The following RHOJ variants were observed in gnomAD, a reference collection of about 807,000 sequenced individuals.
RHOJ encodes ras homolog family member J.
In RHOJ, 11 loss-of-function variants were observed where a neutral mutation model predicts 23.4. The observed-to-expected ratio is 0.47, with a 90% CI of 0.30 to 0.78. RHOJ has a LOEUF of 0.78. RHOJ is among the 30% of genes least tolerant of loss of function. The probability of loss-of-function intolerance (pLI) is 0.08; values close to 1 mark genes in which losing one functional copy is unlikely to be tolerated. For missense variants in RHOJ, 254 were observed against 273.4 expected (o/e 0.93, Z 0.50); for synonymous variants, 102 against 102.7 (o/e 0.99, Z 0.04).
chr14:63,285,328 T>A (rs918602590), intron 4 of RHOJ, among the ~76,000 whole-genome samples: 2 of 152,160 alleles, frequency 1.3e-5, no homozygotes, highest in Non-Finnish European at 2.9e-5. Flanking sequence ...CTCTTCTGCC[T>A]CCCTCCTATA....
rs1895421197 is a variant in RHOJ, at chr14:63,269,160, G to A, written c.229G>A (p.Ala77Thr). 5 of 1,611,292 alleles carry A rather than the reference G, an allele frequency of 3.1e-6. No homozygotes were observed. Among genetic ancestry groups the A allele is most frequent in the Non-Finnish European group, 1.7e-6 (2 of 1,177,706 alleles). The change falls in exon 2 of 5, where the codon GCG (alanine) becomes ACG (threonine). Residue 77 changes from alanine to threonine, a missense_variant. Ala to Thr is a moderately conservative substitution (Grantham distance 58, BLOSUM62 0). Coordinates refer to ENST00000316754, the MANE Select transcript of RHOJ (RefSeq NM_020663.5). ...KQHLLGLYDT[A>T]GQEDYNQLRP... ...ACACTTGCTCGGACTGTATGACACC[G>A]CGGGACAGGTACATTTTTATTATCT...
At chr14:63,246,640 C>G (rs57700441) in intron 1 of RHOJ, among the ~76,000 whole-genome samples, 16,212 of 152,260 alleles carry the variant, frequency 0.11, 1,028 homozygotes, top group African/African-American at 0.16. Context: ...GATTCTCTCT[C>G]TCCTCCTATT....
At chr14:63,245,689 C>T (rs79334594) in intron 1 of RHOJ, among the ~76,000 whole-genome samples, 3 of 152,076 alleles carry the variant, frequency 2.0e-5, no homozygotes, top group African/African-American at 7.2e-5. Flanking sequence ...GGGGTTATAA[C>T]TGTACAAATC....
chr14:63,268,825 C>T (rs191532484), intron 1 of RHOJ, among the ~76,000 whole-genome samples: 8 of 152,180 alleles, frequency 5.3e-5, no homozygotes, highest in South Asian at 2.1e-4. Context: ...GTTCTAGAGC[C>T]GAATAAGGAT....
chr14:63,282,203 C>T lies in RHOJ; in HGVS notation c.403-918C>T, dbSNP rs144416284. On this transcript the variant is annotated intron_variant, in intron 3 of 4. Transcript: ENST00000316754. ...CCCTGCTGCCAAATATGTGACAGAACATTCAATCACCTTTCTGTGATTCAA... is the reference window on the plus strand; with the variant it reads ...CCCTGCTGCCAAATATGTGACAGAATATTCAATCACCTTTCTGTGATTCAA... Among the ~76,000 whole-genome samples, 100 of 151,996 alleles carry T rather than the reference C, an allele frequency of 6.6e-4. 2 individuals carry two copies. The highest frequency in any genetic ancestry group is 2.4e-3 in the African/African-American group (99 of 41,482).
chr14:63,254,145 GC>G (rs2139643241), intron 1 of RHOJ, among the ~76,000 whole-genome samples: 1 of 152,256 alleles, frequency 6.6e-6, no homozygotes, highest in Non-Finnish European at 1.5e-5. Context: ...CATTGTCTCG[GC>G]TGTCAGTGCT....
At chr14:63,270,502 C>T (rs1895449267) in intron 2 of RHOJ, among the ~76,000 whole-genome samples, 1 of 152,088 alleles carries the variant, frequency 6.6e-6, no homozygotes, top group African/African-American at 2.4e-5. Context: ...AAAGGAGGCC[C>T]CCCATGTGCT....
chr14:63,242,570 GA>G (rs1194162508), intron 1 of RHOJ, among the ~76,000 whole-genome samples: 1 of 151,876 alleles, frequency 6.6e-6, no homozygotes, highest in Non-Finnish European at 1.5e-5. Flanking sequence ...TCTCAAAAAA[GA>G]AAAAAGGGGG....
At chr14:63,271,459 T>C (rs1474673913) in intron 2 of RHOJ, among the ~76,000 whole-genome samples, 5 of 152,238 alleles carry the variant, frequency 3.3e-5, no homozygotes, top group Non-Finnish European at 7.3e-5. Context: ...TCTAGAACAG[T>C]GATTCTCAAA....
At chr14:63,244,465 T>C (rs185257130) in intron 1 of RHOJ, among the ~76,000 whole-genome samples, 6 of 150,010 alleles carry the variant, frequency 4.0e-5, no homozygotes, top group East Asian at 2.0e-4. Flanking sequence ...TAATCCCAGA[T>C]ACTTGGGAAG....
intron 1 of RHOJ, among the ~76,000 whole-genome samples, chr14:63,213,469 A>G (rs559125095): frequency 2.1e-4 from 32 of 152,212 alleles, no homozygotes; most frequent in Admixed American, 1.4e-3. Flanking sequence ...ACATGATTTC[A>G]TTCTTTTTAA....
At chr14:63,276,230 G>A (rs1049079721) in intron 2 of RHOJ, among the ~76,000 whole-genome samples, 27 of 152,188 alleles carry the variant, frequency 1.8e-4, no homozygotes, top group African/African-American at 5.8e-4. Context: ...CGGGGGCTGC[G>A]TGGCACCTGG....
chr14:63,218,933 G>A (rs1894423874), intron 1 of RHOJ, among the ~76,000 whole-genome samples: 1 of 152,192 alleles, frequency 6.6e-6, no homozygotes, highest in South Asian at 2.1e-4. Flanking sequence ...TCTAACTGAT[G>A]TCCGAGTGCT....
intron 2 of RHOJ, among the ~76,000 whole-genome samples, chr14:63,273,286 A>G (rs1188796233): frequency 6.6e-6 from 1 of 152,206 alleles, no homozygotes; most frequent in Non-Finnish European, 1.5e-5. Flanking sequence ...GGAAGGAAAT[A>G]AGGCCAACCA....
At position 63,291,195 on chromosome 14, in the gene RHOJ, G is replaced by T; in HGVS notation, c.*171G>T. 2.8e-6 allele frequency: 2 copies of T among 725,544 alleles called. No individual in the cohort carries two copies. The highest frequency in any genetic ancestry group is 4.8e-6 in the Non-Finnish European group (2 of 415,662). The allele number at this position is 725,544 out of a possible 1,614,324, so 44.9% of individuals were successfully genotyped here. ...AACACAGCACACTAGTCAGCCCACTGCCACGACCTCCCTGCCAGCCAGAAG... is the reference window on the plus strand; with the variant it reads ...AACACAGCACACTAGTCAGCCCACTTCCACGACCTCCCTGCCAGCCAGAAG... On this transcript the variant is annotated 3_prime_UTR_variant, in exon 5 of 5. Coordinates refer to ENST00000316754, the MANE Select transcript of RHOJ (RefSeq NM_020663.5).
chr14:63,234,560 A>G (rs1894753655), intron 1 of RHOJ, among the ~76,000 whole-genome samples: 1 of 152,244 alleles, frequency 6.6e-6, no homozygotes, highest in Admixed American at 6.5e-5. Flanking sequence ...TGGTACTAGT[A>G]ATAGTAATGC....
intron 1 of RHOJ, among the ~76,000 whole-genome samples, chr14:63,268,803 C>G (rs1895413376): frequency 2.0e-5 from 3 of 152,166 alleles, no homozygotes; most frequent in Non-Finnish European, 4.4e-5. Flanking sequence ...TCTTTTTCAT[C>G]AGAAGCTTGG....
At chr14:63,232,647 A>C (rs1265069953) in intron 1 of RHOJ, among the ~76,000 whole-genome samples, 1 of 152,016 alleles carries the variant, frequency 6.6e-6, no homozygotes, top group East Asian at 1.9e-4. Flanking sequence ...ATGCAAGCAT[A>C]ATAATTATAC....
rs141199279 is a variant in RHOJ, at chr14:63,225,745, A to G, written c.178+20698A>G. Among the ~76,000 whole-genome samples, 363 of 152,362 alleles carry G rather than the reference A, an allele frequency of 2.4e-3. 1 individual carries two copies. The highest frequency in any genetic ancestry group is 7.9e-3 in the African/African-American group (327 of 41,578). ...AGTAGAAAGAAAGACCAGTGTTGTC[A>G]GGTCTCAGAAATGTCCCATAAAAAT... On this transcript the variant is annotated intron_variant, in intron 1 of 4. Coordinates refer to ENST00000316754, the MANE Select transcript of RHOJ (RefSeq NM_020663.5).
Sources: gnomAD v4.1 joint callset for allele counts (sites outside exome capture counted in the v4.1 genomes callset) on GRCh38, gnomAD v4.1.1 for gene constraint, MANE v1.5 for transcripts, NCBI Gene and HGNC (gene_info 2026-07-23, HGNC 2026-07-21) for gene names.